Variants in SGCD observed in about 807,000 individuals in gnomAD.
SGCD encodes sarcoglycan delta.
SGCD carries 18 observed loss-of-function variants against 36.6 expected under a neutral mutation model. The ratio of observed to expected loss-of-function variants is 0.49; its 90% CI spans 0.34 to 0.73. SGCD has a LOEUF of 0.73. SGCD is among the 30% of genes least tolerant of loss of function. SGCD has a pLI of 0.01. For synonymous variants in SGCD, 133 were observed against 130.6 expected (o/e 1.02, Z -0.12); for missense variants, 387 against 346.7 (o/e 1.12, Z -0.92).
chr5:156,291,947 C>A (rs1348481900), intron 3 of SGCD, among the ~76,000 whole-genome samples: 2 of 152,028 alleles, frequency 1.3e-5, no homozygotes, highest in African/African-American at 4.8e-5. Flanking sequence ...ATCTTTTGAA[C>A]TTATTCCTTC....
the SGCD span, among the ~76,000 whole-genome samples, chr5:155,810,806 T>G: frequency 7.4e-5 from 5 of 67,202 alleles, no homozygotes; most frequent in Non-Finnish European, 1.4e-4. Context: ...TTTTTTTTTT[T>G]TTTTTTTTTT....
chr5:155,991,754 T>C (rs894484025), intron 1 of SGCD, among the ~76,000 whole-genome samples: 1 of 152,220 alleles, frequency 6.6e-6, no homozygotes, highest in African/African-American at 2.4e-5. Flanking sequence ...TGATGCAGAT[T>C]ATGGTATATT....
the SGCD span, among the ~76,000 whole-genome samples, chr5:155,815,266 A>C: frequency 2.0e-5 from 3 of 152,302 alleles, no homozygotes; most frequent in Non-Finnish European, 4.4e-5. Context: ...TTCTTAAGGT[A>C]GTTCATTGAG....
intron 1 of SGCD, among the ~76,000 whole-genome samples, chr5:156,016,952 C>T (rs1220298020): frequency 6.6e-6 from 1 of 152,136 alleles, no homozygotes; most frequent in Non-Finnish European, 1.5e-5. Flanking sequence ...AACAAGGAAG[C>T]ATACGGAGTT....
At chr5:156,578,196 G>A (rs1371705513) in intron 4 of SGCD, among the ~76,000 whole-genome samples, 1 of 152,186 alleles carries the variant, frequency 6.6e-6, no homozygotes, top group Non-Finnish European at 1.5e-5. Context: ...TGTTGGTTCT[G>A]TTTATGTGAT....
rs759099318 is a variant in SGCD at position 156,767,735 on chromosome 5, C to T, written c.*8345C>T. ...AAAAAATTTGTATTTAATATTATTT[C>T]GACCACAGTCTTGTAAAATATATTA... is the stretch of plus-strand genomic sequence containing the variant. On this transcript the variant is annotated 3_prime_UTR_variant, in exon 9 of 9. Transcript: ENST00000337851. 4.6e-5 allele frequency: 7 copies of T among 152,008 alleles called. No homozygotes were observed. Among genetic ancestry groups the T allele is most frequent in the East Asian group, 1.9e-4 (1 of 5,188 alleles). 9.4% of individuals were successfully genotyped at this position (152,008 alleles called of 1,614,324 possible). A position where few individuals can be genotyped will look rare whatever the true frequency, so the allele number is the denominator to read the frequency against.
intron 3 of SGCD, among the ~76,000 whole-genome samples, chr5:156,268,919 T>G (rs1024572692): frequency 4.6e-5 from 7 of 152,090 alleles, no homozygotes; most frequent in Admixed American, 4.6e-4. Flanking sequence ...TAATGATCAG[T>G]GATGTTGAGC....
chr5:155,820,340 G>C, the SGCD span, among the ~76,000 whole-genome samples: 1 of 152,060 alleles, frequency 6.6e-6, no homozygotes, highest in Non-Finnish European at 1.5e-5. Context: ...TCAATCTATA[G>C]AGGTGATCAG....
intron 1 of SGCD, among the ~76,000 whole-genome samples, chr5:156,069,093 A>G (rs1210642050): frequency 1.3e-5 from 2 of 152,062 alleles, no homozygotes; most frequent in African/African-American, 4.8e-5. Context: ...CTCTGATGGT[A>G]GTTTCTTTTG....
At chr5:156,274,325 T>G (rs1302625236) in intron 3 of SGCD, among the ~76,000 whole-genome samples, 2 of 152,164 alleles carry the variant, frequency 1.3e-5, no homozygotes, top group African/African-American at 4.8e-5. Flanking sequence ...TGACCTTGCA[T>G]TATTATACAA....
At chr5:156,457,503 G>A (rs1430997202) in intron 3 of SGCD, among the ~76,000 whole-genome samples, 1 of 152,168 alleles carries the variant, frequency 6.6e-6, no homozygotes, top group African/African-American at 2.4e-5. Context: ...TCCCTGAATG[G>A]TGGCTTTAGA....
intron 3 of SGCD, among the ~76,000 whole-genome samples, chr5:156,371,559 A>AC (rs2127740153): frequency 6.6e-6 from 1 of 152,294 alleles, no homozygotes; most frequent in East Asian, 1.9e-4. Context: ...GAAATGTGCC[A>AC]CCCCTGGAAT....
intron 1 of SGCD, among the ~76,000 whole-genome samples, chr5:156,008,468 T>C (rs1422781956): frequency 6.6e-6 from 1 of 152,152 alleles, no homozygotes; most frequent in Non-Finnish European, 1.5e-5. Context: ...CTCAAACTCC[T>C]GAGCCCAAGT....
intron 1 of SGCD, among the ~76,000 whole-genome samples, chr5:155,959,312 G>C (rs1325779385): frequency 6.6e-6 from 1 of 152,122 alleles, no homozygotes; most frequent in Non-Finnish European, 1.5e-5. Context: ...GGCCAGTGCA[G>C]AGCTGTCTCC....
At chr5:155,986,680 A>C (rs754182340) in intron 1 of SGCD, among the ~76,000 whole-genome samples, 7 of 152,178 alleles carry the variant, frequency 4.6e-5, no homozygotes, top group Non-Finnish European at 7.4e-5. Flanking sequence ...GAATGCACAT[A>C]AATCACCTAG....
intron 3 of SGCD, among the ~76,000 whole-genome samples, chr5:156,453,592 A>T (rs1754121742): frequency 6.6e-6 from 1 of 152,146 alleles, no homozygotes; most frequent in Non-Finnish European, 1.5e-5. Context: ...ATATCTGGAG[A>T]TATTTTTATT....
At chr5:156,699,351 C>A (rs1418133208) in intron 7 of SGCD, among the ~76,000 whole-genome samples, 1 of 152,152 alleles carries the variant, frequency 6.6e-6, no homozygotes, top group Non-Finnish European at 1.5e-5. Context: ...TGGTTAGTAC[C>A]ACCACTGCTA....
At chr5:155,870,571 C>T (rs1361694806) in intron 1 of SGCD, 2 of 152,076 alleles carry the variant, frequency 1.3e-5, no homozygotes, top group Non-Finnish European at 2.9e-5. Flanking sequence ...CTCAAAGTGT[C>T]TAGTGATTGG....
intron 7 of SGCD, 62 bp from the exon 8 acceptor site, chr5:156,757,519 T>A (rs1444457738): frequency 1.5e-5 from 16 of 1,076,486 alleles, no homozygotes; most frequent in Non-Finnish European, 2.2e-5. Flanking sequence ...GAGCATGAAC[T>A]TCCTTTTGTA....
Sources: gnomAD v4.1 joint callset for allele counts (sites outside exome capture counted in the v4.1 genomes callset) on GRCh38, gnomAD v4.1.1 for gene constraint, MANE v1.5 for transcripts, NCBI Gene and HGNC (gene_info 2026-07-23, HGNC 2026-07-21) for gene names.